The following SNX29 variants were observed in gnomAD, a reference collection of about 807,000 sequenced individuals.
SNX29 encodes the protein sorting nexin-29.
Under a neutral mutation model 102.1 loss-of-function variants are expected in SNX29, and 78 were observed. That is an observed-to-expected ratio of 0.76 (90% confidence interval 0.64 to 0.92). The LOEUF is 0.92. Ranked by LOEUF, SNX29 falls within the 40% of genes least tolerant of loss-of-function variation. The pLI is 0.00. For missense variants in SNX29, 1,280 were observed against 1,061.7 expected (o/e 1.21, Z -2.86); for synonymous variants, 580 against 414.5 (o/e 1.40, Z -4.85).
At chr16:12,111,091 T>C (rs2053484584) in intron 11 of SNX29, among the ~76,000 whole-genome samples, 1 of 152,108 alleles carries the variant, frequency 6.6e-6, no homozygotes, top group South Asian at 2.1e-4. Context: ...CGATTACACG[T>C]GTGGGCCAGA....
chr16:12,530,738 T>C (rs778487092), intron 20 of SNX29, among the ~76,000 whole-genome samples: 4 of 152,118 alleles, frequency 2.6e-5, no homozygotes, highest in Non-Finnish European at 5.9e-5. Flanking sequence ...GTATTTTTAG[T>C]AGAGACGGGG....
At chr16:11,991,124 C>T (rs1264933361) in intron 1 of SNX29, among the ~76,000 whole-genome samples, 1 of 152,214 alleles carries the variant, frequency 6.6e-6, no homozygotes, top group East Asian at 1.9e-4. Context: ...TCATGTGAGG[C>T]AGCCCGCCAC....
chr16:12,253,355 G>C (rs2078476435), intron 14 of SNX29, among the ~76,000 whole-genome samples: 1 of 152,210 alleles, frequency 6.6e-6, no homozygotes, highest in Non-Finnish European at 1.5e-5. Flanking sequence ...CTGCTATGTG[G>C]AGTTGCATTC....
rs191003655 is a variant in SNX29, at chr16:12,201,810, G to A, written c.1678+2127G>A. Among the ~76,000 whole-genome samples the A allele has an allele frequency of 5.6e-3, 849 of 152,264 alleles. 2 individuals are homozygous for A. Among genetic ancestry groups the A allele is most frequent in the Middle Eastern group, 0.017 (5 of 294 alleles). On this transcript the variant is annotated intron_variant, in intron 14 of 20. Transcript: ENST00000566228. ...CAGTACAAAAAGACCATTAAAGTCG[G>A]GTTAAAAAGAAGCACCACTGGGCTT...
At chr16:11,997,634 C>T (rs960847697) in intron 1 of SNX29, among the ~76,000 whole-genome samples, 6 of 152,006 alleles carry the variant, frequency 3.9e-5, no homozygotes, top group South Asian at 2.1e-4. Context: ...TGTGCCACCA[C>T]GCCCGGCTAA....
intron 4 of SNX29, among the ~76,000 whole-genome samples, chr16:12,040,724 T>G (rs1393974310): frequency 6.6e-6 from 1 of 152,264 alleles, no homozygotes; most frequent in East Asian, 1.9e-4. Context: ...GAAAGACTTT[T>G]AATTGTAATA....
chr16:12,036,334 C>G (rs113265244), intron 4 of SNX29, among the ~76,000 whole-genome samples: 5 of 78,502 alleles, frequency 6.4e-5, no homozygotes, highest in African/African-American at 2.0e-4. Context: ...TTCTTTCTTT[C>G]TTTTTTTTTT....
At chr16:12,115,485 T>TG (rs2053658092) in intron 11 of SNX29, among the ~76,000 whole-genome samples, 2 of 141,858 alleles carry the variant, frequency 1.4e-5, no homozygotes, top group Non-Finnish European at 3.1e-5. Flanking sequence ...CCACCTTGAT[T>TG]TGTGTGTGTG....
intron 14 of SNX29, among the ~76,000 whole-genome samples, chr16:12,270,461 C>G (rs553909342): frequency 9.9e-5 from 15 of 152,224 alleles, no homozygotes; most frequent in African/African-American, 2.9e-4. Context: ...TGAACCTTCT[C>G]GACTTGAAAG....
intron 20 of SNX29, chr16:12,546,640 A>T (rs912352059): frequency 2.0e-5 from 3 of 152,214 alleles, no homozygotes; most frequent in Non-Finnish European, 4.4e-5. Flanking sequence ...TGATAATTAT[A>T]AACAATTACC....
intron 15 of SNX29, 30 bp downstream of exon 15, chr16:12,278,066 T>C: frequency 6.4e-7 from 1 of 1,558,300 alleles, no homozygotes; most frequent in African/African-American, 1.4e-5. Context: ...TGTGTCTTTG[T>C]TTCTGATGTT....
At chr16:12,500,711 G>A (rs74009104) in intron 19 of SNX29, among the ~76,000 whole-genome samples, 14,605 of 152,254 alleles carry the variant, frequency 0.096, 1,357 homozygotes, top group African/African-American at 0.24. Context: ...AGAGCTTGTC[G>A]GATGTGCAGA....
intron 18 of SNX29, among the ~76,000 whole-genome samples, chr16:12,427,362 C>CGT (rs567803601): frequency 7.1e-4 from 108 of 151,926 alleles, no homozygotes; most frequent in African/African-American, 2.6e-3. Context: ...TTTTAACCTG[C>CGT]GTGAATTACC....
chr16:12,518,375 C>T (rs2089958148), intron 19 of SNX29, among the ~76,000 whole-genome samples: 1 of 152,208 alleles, frequency 6.6e-6, no homozygotes. Flanking sequence ...CCTCCTGTTC[C>T]AGCAAGCCAA....
At chr16:12,186,109 A>C (rs909699093) in intron 13 of SNX29, among the ~76,000 whole-genome samples, 1 of 152,198 alleles carries the variant, frequency 6.6e-6, no homozygotes, top group Non-Finnish European at 1.5e-5. Flanking sequence ...TCTTGGCTTT[A>C]TAGTACCAGT....
intron 20 of SNX29, among the ~76,000 whole-genome samples, chr16:12,557,884 C>A (rs8048155): frequency 6.6e-6 from 1 of 152,038 alleles, no homozygotes; most frequent in Non-Finnish European, 1.5e-5. Flanking sequence ...AGGAGGGCCT[C>A]TGCAGGCAAC....
intron 14 of SNX29, among the ~76,000 whole-genome samples, chr16:12,250,023 G>C (rs2078375142): frequency 6.6e-6 from 1 of 152,200 alleles, no homozygotes; most frequent in Non-Finnish European, 1.5e-5. Flanking sequence ...GGCTCTCCCG[G>C]GTTGGGGAGC....
intron 13 of SNX29, 142 bp downstream of exon 13, chr16:12,129,900 C>G (rs1008642923): frequency 4.0e-6 from 4 of 991,368 alleles, no homozygotes; most frequent in African/African-American, 3.3e-5. Flanking sequence ...GTCAGGAGAT[C>G]GAGACCATCC....
At chr16:12,516,694 G>A (rs1475558003) in intron 19 of SNX29, among the ~76,000 whole-genome samples, 2 of 152,174 alleles carry the variant, frequency 1.3e-5, no homozygotes, top group Non-Finnish European at 2.9e-5. Context: ...ATACCTTGAT[G>A]TTCCTTGATG....
Sources: gnomAD v4.1 joint callset for allele counts (sites outside exome capture counted in the v4.1 genomes callset) on GRCh38, gnomAD v4.1.1 for gene constraint, MANE v1.5 for transcripts, NCBI Gene and HGNC (gene_info 2026-07-23, HGNC 2026-07-21) for gene names.